Variants in USH2A observed in about 807,000 individuals in gnomAD.
USH2A encodes Usher syndrome 2A (autosomal recessive, mild).
In USH2A, 443 loss-of-function variants were observed where a neutral mutation model predicts 538.9. The observed-to-expected ratio is 0.82, with a 90% CI of 0.76 to 0.89. The LOEUF is 0.89. USH2A is among the 40% of genes least tolerant of loss of function. USH2A has a pLI of 0.00. For missense variants in USH2A, 6,633 were observed against 6,324.8 expected (o/e 1.05, Z -1.65); for synonymous variants, 2,413 against 2,273.5 (o/e 1.06, Z -1.75).
chr1:215,632,736 T>C (rs998349607), intron 70 of USH2A, among the ~76,000 whole-genome samples: 1 of 152,168 alleles, frequency 6.6e-6, no homozygotes, highest in Non-Finnish European at 1.5e-5. Flanking sequence ...CTTTTCTCTC[T>C]TCCACTGCCT....
intron 21 of USH2A, among the ~76,000 whole-genome samples, chr1:216,158,216 A>G (rs1004370618): frequency 2.0e-5 from 3 of 152,132 alleles, no homozygotes; most frequent in African/African-American, 7.2e-5. Context: ...TGTGCTTTTT[A>G]GAGCACATAT....
intron 55 of USH2A, among the ~76,000 whole-genome samples, chr1:215,777,865 A>T (rs11120625): frequency 0.11 from 17,283 of 152,182 alleles, 1,079 homozygotes; most frequent in Non-Finnish European, 0.13. Flanking sequence ...TCTTACAAGG[A>T]TGTGATGAGA....
chr1:216,300,878 A>G (rs2037202501), intron 9 of USH2A, among the ~76,000 whole-genome samples: 1 of 151,576 alleles, frequency 6.6e-6, no homozygotes, highest in Non-Finnish European at 1.5e-5. Context: ...CCTCCCGAGT[A>G]TCTGGTACTA....
At chr1:215,636,559 G>A (rs1195812999) in intron 69 of USH2A, among the ~76,000 whole-genome samples, 1 of 152,168 alleles carries the variant, frequency 6.6e-6, no homozygotes, top group African/African-American at 2.4e-5. Flanking sequence ...CTCTGTGTGT[G>A]GCACAGAGAG....
chr1:215,844,465 G>T lies in USH2A; in HGVS notation c.9087C>A (p.Val3029=). 2.5e-6 allele frequency: 4 copies of T among 1,611,554 alleles called. No individual in the cohort carries two copies. The highest frequency in any genetic ancestry group is 3.4e-6 in the Non-Finnish European group (4 of 1,179,820). ...CACGTACAGCTGTACTGTTGATGAT[G>T]ACAACCTCTGGAGGAAGCATGCCCT... ...EPQGMLPPEV[V]IINSTAVRVI... Residue 3029 remains valine (V), a synonymous_variant, in exon 46 of 72, where the codon GTC becomes GTA. Transcript: ENST00000307340.
chr1:215,903,566 G>T (rs1665556810), intron 38 of USH2A, among the ~76,000 whole-genome samples: 1 of 152,090 alleles, frequency 6.6e-6, no homozygotes, highest in Non-Finnish European at 1.5e-5. Context: ...GTGAGCCAGT[G>T]CACATTTGAA....
intron 4 of USH2A, among the ~76,000 whole-genome samples, chr1:216,328,857 C>T (rs987295658): frequency 6.6e-6 from 1 of 151,958 alleles, no homozygotes; most frequent in Admixed American, 6.6e-5. Context: ...CATATATTTA[C>T]ATGTTATATT....
chr1:216,092,655 A>T (rs916326678), intron 22 of USH2A, among the ~76,000 whole-genome samples: 1 of 152,208 alleles, frequency 6.6e-6, no homozygotes, highest in African/African-American at 2.4e-5. Flanking sequence ...AAATATGTTT[A>T]GTACCTGTTT....
intron 40 of USH2A, among the ~76,000 whole-genome samples, chr1:215,899,261 T>C (rs1028124006): frequency 6.6e-6 from 1 of 152,184 alleles, no homozygotes; most frequent in African/African-American, 2.4e-5. Context: ...AGCATGGCAA[T>C]GGGCCAGCAG....
intron 47 of USH2A, among the ~76,000 whole-genome samples, chr1:215,826,127 T>C (rs778975591): frequency 6.6e-6 from 1 of 152,204 alleles, no homozygotes; most frequent in Non-Finnish European, 1.5e-5. Flanking sequence ...TAGCATGGCA[T>C]AGATGGATGA....
Position 215,965,484 on chromosome 1 carries a change from G to A in USH2A, c.6958-5C>T, listed in dbSNP as rs147914083. On this transcript the variant is annotated splice_polypyrimidine_tract_variant and splice_region_variant and intron_variant, in intron 36 of 71. Transcript: ENST00000307340. ...TTCTAGAGTTCGATTTTCCACCTGT[G>A]AGTATAAAAAGATTTATTTTTGTTT... is the stretch of plus-strand genomic sequence containing the variant. The A allele has an allele frequency of 9.9e-5, 159 of 1,613,408 alleles. 1 individual carries two copies. In the East Asian group the frequency reaches 3.4e-3, roughly 34 times the overall value.
intron 21 of USH2A, among the ~76,000 whole-genome samples, chr1:216,136,669 T>C (rs571197878): frequency 4.5e-4 from 68 of 152,258 alleles, no homozygotes; most frequent in South Asian, 2.3e-3. Context: ...TAAATTAAAA[T>C]GAAGTCACAA....
intron 44 of USH2A, among the ~76,000 whole-genome samples, chr1:215,853,102 C>T (rs1018168005): frequency 1.3e-5 from 2 of 152,230 alleles, no homozygotes; most frequent in African/African-American, 4.8e-5. Flanking sequence ...CCATGAGTGC[C>T]TGCCCCTGCA....
At chr1:216,360,551 A>G (rs1448465616) in intron 4 of USH2A, among the ~76,000 whole-genome samples, 1 of 152,064 alleles carries the variant, frequency 6.6e-6, no homozygotes, top group African/African-American at 2.4e-5. Context: ...ATGATGTGTC[A>G]ATGTAGGTTC....
intron 35 of USH2A, among the ~76,000 whole-genome samples, chr1:215,989,443 G>T (rs1441529395): frequency 6.6e-6 from 1 of 152,200 alleles, no homozygotes; most frequent in Non-Finnish European, 1.5e-5. Flanking sequence ...CATTTATATG[G>T]ATATTTTCCC....
In USH2A at chr1:216,139,797, C is replaced by G. The variant is rs151050233; in HGVS notation, c.4627+35455G>C. On this transcript the variant is annotated intron_variant, in intron 21 of 71. Transcript: ENST00000307340. ...AAGGCTCTGCAGTCATTCCCTATCT[C>G]TTCATTCTTCCCAATTTTGGGAACT... is the stretch of plus-strand genomic sequence containing the variant. Among the ~76,000 whole-genome samples, 494 of 152,274 alleles carry G rather than the reference C, an allele frequency of 3.2e-3. 4 individuals carry two copies. Among genetic ancestry groups the G allele is most frequent in the African/African-American group, 0.012 (480 of 41,564 alleles).
intron 35 of USH2A, among the ~76,000 whole-genome samples, chr1:215,976,165 T>G (rs1192433808): frequency 1.3e-5 from 2 of 152,236 alleles, no homozygotes; most frequent in Non-Finnish European, 2.9e-5. Context: ...ATTGATTTAG[T>G]ATCCTAAAAC....
At chr1:215,958,931 A>C (rs1461369104) in intron 37 of USH2A, among the ~76,000 whole-genome samples, 7 of 152,114 alleles carry the variant, frequency 4.6e-5, no homozygotes, top group African/African-American at 9.7e-5. Context: ...AGTTAAATTT[A>C]ACATCCCACA....
chr1:215,974,118 A>G (rs965459837), intron 35 of USH2A, among the ~76,000 whole-genome samples: 35 of 152,148 alleles, frequency 2.3e-4, no homozygotes, highest in Admixed American at 2.0e-3. Context: ...TTCAATATAA[A>G]CAAAATCAAT....
Sources: allele counts gnomAD v4.1 joint callset (sites outside exome capture counted in the v4.1 genomes callset), GRCh38; gene constraint gnomAD v4.1.1; transcripts MANE v1.5; gene names NCBI Gene and HGNC (gene_info 2026-07-23, HGNC 2026-07-21).